TRPM5: variants seen among roughly 807,000 people sequenced by gnomAD.
TRPM5 encodes the protein transient receptor potential cation channel subfamily M member 5, also known as MLSN1 and TRP-related.
Under a neutral mutation model 124.9 loss-of-function variants are expected in TRPM5, and 121 were observed. That is an observed-to-expected ratio of 0.97 (90% confidence interval 0.84 to 1.13). The LOEUF (loss-of-function observed/expected upper bound fraction) is 1.13. TRPM5 is among the 50% of genes most tolerant of loss of function. The pLI, the probability that TRPM5 is intolerant of heterozygous loss-of-function variation, is 0.00. For missense variants in TRPM5, 1,643 were observed against 1,589.1 expected, an observed-to-expected ratio of 1.03 and a Z score of -0.58; for synonymous variants, 781 against 700.5, an observed-to-expected ratio of 1.11 and a Z score of -1.81.
At chr11:2,405,443 A>G (rs1850295802) in intron 23 of TRPM5, 84 bp downstream of exon 28, 1 of 1,388,346 alleles carries the variant, frequency 7.2e-7, no homozygotes, top group Non-Finnish European at 9.9e-7. Context: ...AAGGCAGAGC[A>G]CACAGCACAG....
chr11:2,427,665 G>A (rs1845849750), upstream of TRPM5, among the ~76,000 whole-genome samples: 1 of 152,276 alleles, frequency 6.6e-6, no homozygotes, highest in Admixed American at 6.5e-5. Flanking sequence ...CTGTGTGGAC[G>A]TGGCTTCTAG....
chr11:2,429,428 T>C, the TRPM5 span, among the ~76,000 whole-genome samples: 1 of 151,104 alleles, frequency 6.6e-6, no homozygotes, highest in Non-Finnish European at 1.5e-5. This position sits in a 1 kb window ranked among gnomAD's most constrained non-coding sequence, Gnocchi z 8.4. Flanking sequence ...ATGATGATAG[T>C]GTTAATAATT....
the TRPM5 span, among the ~76,000 whole-genome samples, chr11:2,428,415 G>T: frequency 6.6e-6 from 1 of 152,232 alleles, no homozygotes; most frequent in African/African-American, 2.4e-5. This position sits in a 1 kb window ranked among gnomAD's most constrained non-coding sequence, Gnocchi z 4.0. Flanking sequence ...GGCAGAGTCT[G>T]AGGCAGTGGT....
chr11:2,420,233 G>T, exon 4 of TRPM5: 1 of 1,602,140 alleles, frequency 6.2e-7, no homozygotes, highest in Non-Finnish European at 8.5e-7. Context: ...CCCGTAGCCC[G>T]CCCTCTGCTC....
At chr11:2,437,939 C>T in the TRPM5 span, among the ~76,000 whole-genome samples, 2 of 152,166 alleles carry the variant, frequency 1.3e-5, no homozygotes, top group East Asian at 1.9e-4. This position sits in a 1 kb window ranked among gnomAD's most constrained non-coding sequence, Gnocchi z 5.6. Flanking sequence ...TAAAAATCCT[C>T]AACAAATACT....
intron 20 of TRPM5, among the ~76,000 whole-genome samples, 161 bp from the exon 26 acceptor site, chr11:2,406,954 C>T (rs1340291900): frequency 6.6e-6 from 1 of 152,186 alleles, no homozygotes; most frequent in African/African-American, 2.4e-5. Context: ...GGCCAAGCTG[C>T]GGGTGGACGG....
chr11:2,410,875 C>T (rs533061256), intron 18 of TRPM5, among the ~76,000 whole-genome samples: 2 of 146,434 alleles, frequency 1.4e-5, no homozygotes, highest in Non-Finnish European at 3.1e-5. Context: ...CTGGTGGGTG[C>T]CCTAGGCCAA....
intron 3 of TRPM5, 138 bp downstream of exon 8, chr11:2,420,894 G>A (rs1244980385): frequency 5.9e-6 from 6 of 1,014,520 alleles, no homozygotes; most frequent in East Asian, 2.9e-5. Flanking sequence ...CCTGCCGGCC[G>A]TGTGCTGGCT....
rs1484416236 is a variant in TRPM5 at position 2,411,543 on chromosome 11, CAG to C, written c.2608-19_2608-18del. ...GTCCTTCATCTCCACGGGGCAGGGGCAGAGAGAGGGACGTCAGCGGCCAGCCG... is the reference window on the plus strand; with the variant it reads ...GTCCTTCATCTCCACGGGGCAGGGGCAGAGAGGGACGTCAGCGGCCAGCCG... On this transcript the variant is annotated intron_variant, in intron 17 of 23. Coordinates refer to ENST00000155858, the Ensembl canonical transcript of TRPM5. The C allele has an allele frequency of 1.9e-6, 3 of 1,607,480 alleles. No homozygotes were observed. The highest frequency in any genetic ancestry group is 2.2e-5 in the South Asian group (2 of 90,840).
intron 8 of TRPM5, among the ~76,000 whole-genome samples, 171 bp from the exon 14 acceptor site, chr11:2,415,642 G>A (rs1284641581): frequency 1.3e-5 from 2 of 152,222 alleles, no homozygotes; most frequent in African/African-American, 4.8e-5. Context: ...ATTGGGGCGG[G>A]CACAGAGGGG....
At chr11:2,434,246 G>A in the TRPM5 span, among the ~76,000 whole-genome samples, 1,006 of 151,614 alleles carry the variant, frequency 6.6e-3, 10 homozygotes, top group African/African-American at 0.021. Context: ...ATGTGTGTGC[G>A]TGGACACTGT....
upstream of TRPM5, among the ~76,000 whole-genome samples, chr11:2,427,397 G>C (rs1199597288): frequency 6.6e-6 from 1 of 152,246 alleles, no homozygotes; most frequent in Non-Finnish European, 1.5e-5. Context: ...CTACCTTGCA[G>C]GGTGTGCCTG....
rs1216460542 is a variant in TRPM5, at chr11:2,416,007, G to A, written c.1027C>T (p.Gln343Ter). ...TCATCCAGATAGTCCTGAGGCTCCT[G>A]GCTGTGGCTCTTGCAGGCTGTGGGC... The change falls in exon 8 of 24, where the codon CAG becomes TAG. Residue 343 changes from glutamine to a stop codon, truncating the protein, a stop_gained. Transcript: ENST00000155858. LOFTEE classifies it high-confidence loss of function. 1 of 1,593,868 alleles carries A rather than the reference G, an allele frequency of 6.3e-7. No individual in the cohort carries two copies. The highest frequency in any genetic ancestry group is 1.1e-5 in the South Asian group (1 of 87,716).
the TRPM5 span, among the ~76,000 whole-genome samples, chr11:2,433,027 G>T: frequency 5.3e-5 from 8 of 152,222 alleles, no homozygotes; most frequent in African/African-American, 1.9e-4. Flanking sequence ...GGAGCCGCAC[G>T]TCCGTCCCCA....
chr11:2,417,861 GC>G (rs1170313808), intron 6 of TRPM5, 32 bp from the exon 12 acceptor site: 2 of 1,543,134 alleles, frequency 1.3e-6, no homozygotes. Context: ...CCATGGGGCC[GC>G]CTCAGCCAGG....
At chr11:2,415,601 T>G in intron 8 of TRPM5, 130 bp from the exon 14 acceptor site, 2 of 693,372 alleles carry the variant, frequency 2.9e-6, no homozygotes, top group Non-Finnish European at 4.7e-6. Flanking sequence ...GCAGACCCTC[T>G]CGCTCTCCTG....
At chr11:2,409,879 C>T (rs949672806) in intron 18 of TRPM5, among the ~76,000 whole-genome samples, 29 of 152,166 alleles carry the variant, frequency 1.9e-4, no homozygotes, top group Admixed American at 2.6e-4. Context: ...AGGGGCCCCT[C>T]GGGAGTCTGT....
At chr11:2,424,352 C>T (rs1334659566), upstream of TRPM5, among the ~76,000 whole-genome samples, 3 of 152,204 alleles carry the variant, frequency 2.0e-5, no homozygotes, top group Non-Finnish European at 4.4e-5. Context: ...GAGGCTAAGG[C>T]CAAGGCCCTC....
intron 18 of TRPM5, 121 bp from the exon 24 acceptor site, chr11:2,408,033 G>T: frequency 7.6e-7 from 1 of 1,320,584 alleles, no homozygotes. Context: ...GGTGCTGGTT[G>T]GGTGACCCAC....
Sources: allele counts gnomAD v4.1 joint callset (sites outside exome capture counted in the v4.1 genomes callset), GRCh38; gene constraint gnomAD v4.1.1; non-coding constraint Gnocchi (gnomAD v3.1); transcripts MANE v1.5; gene names NCBI Gene and HGNC (gene_info 2026-07-23, HGNC 2026-07-21).